Variants in SOD2 observed in about 807,000 individuals in gnomAD.
SOD2 encodes the protein superoxide dismutase 2.
A neutral mutation model predicts 27.0 loss-of-function variants in SOD2; 11 were observed. The ratio of observed to expected loss-of-function variants is 0.41; its 90% CI spans 0.26 to 0.67. SOD2 has a LOEUF of 0.67. Ranked by LOEUF, SOD2 falls within the 30% of genes least tolerant of loss-of-function variation. SOD2 has a pLI of 0.34. For missense variants in SOD2, 250 were observed against 274.5 expected, an observed-to-expected ratio of 0.91 and a Z score of 0.63; for synonymous variants, 105 against 103.0, an observed-to-expected ratio of 1.02 and a Z score of -0.12.
At chr6:159,742,342 G>A (rs944238494) in intron 1 of SOD2, among the ~76,000 whole-genome samples, 2 of 152,132 alleles carry the variant, frequency 1.3e-5, no homozygotes, top group African/African-American at 4.8e-5. Context: ...AGAAGACAGA[G>A]GTGTAATAGT....
rs1583003118 is a variant in SOD2 at position 159,682,559 on chromosome 6, T to C, written c.603A>G (p.Leu201=). ...AGTTGATTACATTCCAAATAGCTTT[T>C]AGATAATCAGGCCTGACATTTTTAT... ...LQYKNVRPDY[L]KAIWNVINWE... Residue 201 remains leucine (L), a synonymous_variant, in exon 5 of 5, where the codon CTA becomes CTG. Transcript: ENST00000538183. The C allele has an allele frequency of 1.2e-6, 2 of 1,614,122 alleles. No homozygotes were observed. Among genetic ancestry groups the C allele is most frequent in the Non-Finnish European group, 1.7e-6 (2 of 1,179,988 alleles).
chr6:159,740,586 A>C (rs1350140201), intron 1 of SOD2, among the ~76,000 whole-genome samples: 1 of 152,102 alleles, frequency 6.6e-6, no homozygotes, highest in East Asian at 1.9e-4. Flanking sequence ...TATTTGGTAA[A>C]CTACGTGTCT....
Position 159,680,835 on chromosome 6 carries a change from C to T in SOD2, c.*1658G>A, listed in dbSNP as rs1225098728. 2.0e-5 allele frequency: 3 copies of T among 150,958 alleles called. No individual in the cohort carries two copies. Among genetic ancestry groups the T allele is most frequent in the African/African-American group, 4.9e-5 (2 of 41,054 alleles). 9.4% of individuals were successfully genotyped at this position (150,958 alleles called of 1,614,324 possible). ...CCTGTAATCCCAGCTATTCAGGAGG[C>T]TGAGGTGGGACAATCACTTGAACCC... On this transcript the variant is annotated 3_prime_UTR_variant, in exon 5 of 5. Transcript: ENST00000538183.
chr6:159,753,681 A>G, intron 1 of SOD2: 1 of 1,521,526 alleles, frequency 6.6e-7, no homozygotes, highest in South Asian at 1.3e-5. Flanking sequence ...ACTGCCAGTC[A>G]TGAATATTAT....
chr6:159,682,751 T>C, intron 4 of SOD2, 113 bp from the exon 5 acceptor site: 1 of 968,394 alleles, frequency 1.0e-6, no homozygotes, highest in Non-Finnish European at 1.4e-6. Flanking sequence ...TTTGTAACAA[T>C]CTCATTCACT....
At chr6:159,746,384 CCT>C (rs1450686997), upstream of SOD2, among the ~76,000 whole-genome samples, 2 of 152,166 alleles carry the variant, frequency 1.3e-5, no homozygotes, top group African/African-American at 4.8e-5. Context: ...GTATTAGGTA[CCT>C]GTCCTTTAAA....
intron 1 of SOD2, among the ~76,000 whole-genome samples, chr6:159,705,314 A>G (rs1777602675): frequency 6.6e-6 from 1 of 152,226 alleles, no homozygotes; most frequent in African/African-American, 2.4e-5. Flanking sequence ...CAGACGATCA[A>G]ACTTCTCCGA....
Position 159,674,529 on chromosome 6 carries a change from T to C in SOD2, c.*7964A>G, listed in dbSNP as rs1779733619. ...TATCTCAACAGATGCAGAAAAGGCC[T>C]TGGACAAAATTCAACAGCCCTTCAT... is the stretch of plus-strand genomic sequence containing the variant. On this transcript the variant is annotated 3_prime_UTR_variant, in exon 5 of 5. Coordinates refer to ENST00000538183, the MANE Select transcript of SOD2 (RefSeq NM_000636.4). 1 of 152,210 alleles carries C rather than the reference T, an allele frequency of 6.6e-6. No individual in the cohort carries two copies. Among genetic ancestry groups the C allele is most frequent in the Non-Finnish European group, 1.5e-5 (1 of 68,044 alleles). The allele number at this position is 152,210 out of a possible 1,614,324, so 9.4% of individuals were successfully genotyped here. A position where few individuals can be genotyped will look rare whatever the true frequency, so the allele number is the denominator to read the frequency against.
chr6:159,677,276 C>T lies in SOD2; in HGVS notation c.*5217G>A, dbSNP rs548845271. 1.1e-3 allele frequency: 166 copies of T among 152,236 alleles called. No individual in the cohort carries two copies. The highest frequency in any genetic ancestry group is 3.8e-3 in the African/African-American group (157 of 41,538). The allele number at this position is 152,236 out of a possible 1,614,324, so 9.4% of individuals were successfully genotyped here. On this transcript the variant is annotated 3_prime_UTR_variant, in exon 5 of 5. Coordinates refer to ENST00000538183, the MANE Select transcript of SOD2 (RefSeq NM_000636.4). ...TAGGAACTTGAAAGCATTCGTGCTC[C>T]TTCCTTTTCACAAACTGAGAAATCT... is the stretch of plus-strand genomic sequence containing the variant.
At chr6:159,755,417 A>G in intron 1 of SOD2, 1 of 1,614,200 alleles carries the variant, frequency 6.2e-7, no homozygotes, top group Non-Finnish European at 8.5e-7. Context: ...AAATCAACTC[A>G]GTGCGGGGTA....
intron 1 of SOD2, among the ~76,000 whole-genome samples, chr6:159,705,492 G>A (rs143302579): frequency 0.06 from 9,118 of 152,176 alleles, 485 homozygotes; most frequent in African/African-American, 0.14. Flanking sequence ...TTCAGTAGCC[G>A]ATTCGATCAA....
chr6:159,731,860 T>C (rs1778591250), upstream of SOD2, among the ~76,000 whole-genome samples: 1 of 152,242 alleles, frequency 6.6e-6, no homozygotes, highest in South Asian at 2.1e-4. Flanking sequence ...ACTTTCTTCA[T>C]GTGTTTCTCA....
intron 1 of SOD2, among the ~76,000 whole-genome samples, chr6:159,710,298 A>C (rs1409899146): frequency 1.4e-5 from 2 of 146,092 alleles, no homozygotes; most frequent in Non-Finnish European, 3.0e-5. Flanking sequence ...TAAAATACAA[A>C]AATTAGCTGG....
intron 1 of SOD2, among the ~76,000 whole-genome samples, chr6:159,734,940 A>C (rs1046524528): frequency 1.3e-5 from 2 of 152,014 alleles, no homozygotes; most frequent in Non-Finnish European, 2.9e-5. Context: ...TAGTTTAATG[A>C]ATAATACCTG....
intron 4 of SOD2, 51 bp from the exon 5 acceptor site, chr6:159,682,689 A>C: frequency 6.6e-7 from 1 of 1,525,728 alleles, no homozygotes; most frequent in Non-Finnish European, 8.8e-7. Context: ...AGTCTAAAAC[A>C]TTGCATCTTC....
chr6:159,703,132 T>C (rs928529916), intron 1 of SOD2, among the ~76,000 whole-genome samples: 2 of 151,970 alleles, frequency 1.3e-5, no homozygotes, highest in African/African-American at 4.8e-5. Flanking sequence ...CTGACCAACA[T>C]GGAGAGACCC....
At chr6:159,727,374 T>TGGCAGGAGGCGGGAGGCGGGAGGCGGGG, upstream of SOD2, 1 of 1,032,512 alleles carries the variant, frequency 9.7e-7, no homozygotes, top group Non-Finnish European at 1.2e-6. Context: ...GCGGGGAGGC[T>TGGCAGGAGGCGGGAGGCGGGAGGCGGGG]GGCGGGAGGC....
intron 1 of SOD2, chr6:159,741,808 T>G (rs530103848): frequency 3.7e-6 from 1 of 269,884 alleles, no homozygotes; most frequent in Non-Finnish European, 7.1e-6. Flanking sequence ...GGCAACGTAG[T>G]GAGACCCCAT....
At chr6:159,716,991 C>G (rs1777932120) in intron 1 of SOD2, among the ~76,000 whole-genome samples, 1 of 152,174 alleles carries the variant, frequency 6.6e-6, no homozygotes, top group Admixed American at 6.5e-5. Context: ...TACAGCAATG[C>G]CTAGTCATTC....
Sources: gnomAD v4.1 joint callset for allele counts (sites outside exome capture counted in the v4.1 genomes callset) on GRCh38, gnomAD v4.1.1 for gene constraint, MANE v1.5 for transcripts, NCBI Gene and HGNC (gene_info 2026-07-23, HGNC 2026-07-21) for gene names.